The following CDH18 variants were observed in gnomAD, a reference collection of about 807,000 sequenced individuals.
CDH18 encodes the protein cadherin-18.
A neutral mutation model predicts 67.9 loss-of-function variants in CDH18; 31 were observed. The observed-to-expected ratio is 0.46, with a 90% CI of 0.34 to 0.62. The LOEUF (loss-of-function observed/expected upper bound fraction) is 0.62, where lower values mean the gene tolerates loss of function less well. Ranked by LOEUF, CDH18 falls within the 20% of genes least tolerant of loss-of-function variation. The pLI, the probability that CDH18 is intolerant of heterozygous loss-of-function variation, is 0.01. For synonymous variants in CDH18, 362 were observed against 347.2 expected, an observed-to-expected ratio of 1.04 and a Z score of -0.48; for missense variants, 890 against 975.5, an observed-to-expected ratio of 0.91 and a Z score of 1.17.
chr5:19,887,835 G>T (rs4582277), intron 2 of CDH18, among the ~76,000 whole-genome samples: 74,573 of 151,544 alleles, frequency 0.49, 18,448 homozygotes, highest in Middle Eastern at 0.64. Context: ...GCCACCCAAA[G>T]TGTTGAGATT....
Position 19,543,874 on chromosome 5 carries a change from T to C in CDH18, c.1385A>G (p.Glu462Gly), listed in dbSNP as rs1255516209. 6.4e-7 allele frequency: 1 copy of C among 1,573,594 alleles called. No homozygotes were observed. Among genetic ancestry groups the C allele is most frequent in the Non-Finnish European group, 8.6e-7 (1 of 1,156,170 alleles). ...TGATACATAAAGTAGTTTACCAATT[T>C]CTGAAGCAGTGACTGTGATGTTGTA... is the stretch of plus-strand genomic sequence containing the variant. Reference protein sequence around the residue: ...PWYNITVTASEIDNPDLLSHV... With the variant: ...PWYNITVTASGIDNPDLLSHV... The change falls in exon 9 of 13, where the codon GAA becomes GGA. Residue 462 changes from glutamate to glycine, a missense_variant. Glu to Gly is a moderately conservative substitution (Grantham distance 98). This residue lies in a region of CDH18 where 656 missense variants were observed against 668.1 expected (regional missense o/e 0.98). Coordinates refer to ENST00000382275, the MANE Select transcript of CDH18 (RefSeq NM_004934.5).
intron 2 of CDH18, among the ~76,000 whole-genome samples, chr5:20,237,413 A>G (rs1742560769): frequency 6.6e-6 from 1 of 151,960 alleles, no homozygotes; most frequent in African/African-American, 2.4e-5. Context: ...TGAAATGATT[A>G]TCCATGTAGA....
intron 3 of CDH18, among the ~76,000 whole-genome samples, chr5:19,818,224 T>C (rs1490486955): frequency 6.6e-6 from 1 of 152,126 alleles, no homozygotes; most frequent in South Asian, 2.1e-4. Flanking sequence ...GACTTAACAA[T>C]TGTAATACAG....
intron 1 of CDH18, among the ~76,000 whole-genome samples, chr5:20,306,812 A>G (rs994792941): frequency 2.0e-5 from 3 of 152,108 alleles, no homozygotes; most frequent in Admixed American, 6.5e-5. Flanking sequence ...ATTACTTTCC[A>G]TATTTATTAT....
chr5:19,487,797 C>T (rs1032863413), intron 11 of CDH18, among the ~76,000 whole-genome samples: 1 of 152,104 alleles, frequency 6.6e-6, no homozygotes, highest in Non-Finnish European at 1.5e-5. Flanking sequence ...TATGCCTACA[C>T]TCTAATAATA....
chr5:20,329,384 T>C (rs981800998), intron 1 of CDH18, among the ~76,000 whole-genome samples: 2 of 152,126 alleles, frequency 1.3e-5, no homozygotes, highest in Non-Finnish European at 1.5e-5. Context: ...TGGCCAAATA[T>C]TAAAAGGAAC....
chr5:20,208,921 G>A (rs966821024), intron 2 of CDH18, among the ~76,000 whole-genome samples: 1 of 151,958 alleles, frequency 6.6e-6, no homozygotes, highest in African/African-American at 2.4e-5. Context: ...CAAAGAATCT[G>A]ATTAAAATTG....
At chr5:20,280,934 T>C (rs1350324794) in intron 1 of CDH18, among the ~76,000 whole-genome samples, 2 of 152,364 alleles carry the variant, frequency 1.3e-5, no homozygotes, top group African/African-American at 4.8e-5. Flanking sequence ...ATTGTGGTTT[T>C]GATTTGCATT....
intron 10 of CDH18, among the ~76,000 whole-genome samples, chr5:19,514,469 A>G (rs1031423038): frequency 1.3e-5 from 2 of 152,210 alleles, no homozygotes; most frequent in African/African-American, 2.4e-5. Flanking sequence ...TCAACAGTGT[A>G]AAAGTGTTCC....
intron 1 of CDH18, among the ~76,000 whole-genome samples, chr5:20,537,459 C>A (rs1756794140): frequency 6.6e-6 from 1 of 151,936 alleles, no homozygotes. Flanking sequence ...ATTAAAAATA[C>A]ATTGTACTAT....
At chr5:20,189,737 C>A (rs1738392263) in intron 2 of CDH18, among the ~76,000 whole-genome samples, 1 of 152,126 alleles carries the variant, frequency 6.6e-6, no homozygotes, top group African/African-American at 2.4e-5. Flanking sequence ...TTCACTCAAA[C>A]CAACCATGTC....
intron 1 of CDH18, among the ~76,000 whole-genome samples, chr5:20,302,242 C>A (rs1318465860): frequency 6.6e-6 from 1 of 152,130 alleles, no homozygotes; most frequent in Non-Finnish European, 1.5e-5. Context: ...GGCTAAGTTG[C>A]GACAAACTTA....
intron 5 of CDH18, among the ~76,000 whole-genome samples, chr5:19,687,369 C>T (rs1465928676): frequency 6.6e-6 from 1 of 152,238 alleles, no homozygotes; most frequent in East Asian, 1.9e-4. Flanking sequence ...CTGGAGTTCA[C>T]TGACATTCCT....
chr5:19,502,382 C>A (rs1231850693), intron 11 of CDH18, among the ~76,000 whole-genome samples: 2 of 151,878 alleles, frequency 1.3e-5, no homozygotes, highest in Non-Finnish European at 2.9e-5. Flanking sequence ...AGAAATGTAC[C>A]AAAGAGGACA....
intron 1 of CDH18, among the ~76,000 whole-genome samples, chr5:20,558,963 T>C (rs1758057878): frequency 6.6e-6 from 1 of 151,338 alleles, no homozygotes; most frequent in Non-Finnish European, 1.5e-5. Context: ...AAAGGAAACC[T>C]CCATTGTCAT....
At chr5:20,068,741 C>T (rs1743193823) in intron 2 of CDH18, among the ~76,000 whole-genome samples, 1 of 151,944 alleles carries the variant, frequency 6.6e-6, no homozygotes, top group South Asian at 2.1e-4. Flanking sequence ...TTGTTGATAA[C>T]CAAATTATCT....
chr5:20,369,534 A>T (rs1340359666), intron 1 of CDH18, among the ~76,000 whole-genome samples: 2 of 152,194 alleles, frequency 1.3e-5, no homozygotes, highest in Admixed American at 1.3e-4. Flanking sequence ...AATGTTACGA[A>T]GTCATTTTTC....
chr5:19,927,032 T>C (rs1793166613), intron 2 of CDH18, among the ~76,000 whole-genome samples: 1 of 152,188 alleles, frequency 6.6e-6, no homozygotes, highest in Non-Finnish European at 1.5e-5. Context: ...TCAGTTGCCA[T>C]ACTGTTGGCC....
intron 5 of CDH18, among the ~76,000 whole-genome samples, chr5:19,706,843 G>A (rs1198384962): frequency 6.6e-6 from 1 of 152,118 alleles, no homozygotes; most frequent in African/African-American, 2.4e-5. Flanking sequence ...AAGCAAAAGA[G>A]GGGAAATAGG....
Sources: gnomAD v4.1 joint callset for allele counts (sites outside exome capture counted in the v4.1 genomes callset) on GRCh38, gnomAD v4.1.1 for gene constraint, gnomAD v4.1.1 regional missense constraint, MANE v1.5 for transcripts, NCBI Gene and HGNC (gene_info 2026-07-23, HGNC 2026-07-21) for gene names.